The following WASHC5 variants were observed in gnomAD, a reference collection of about 807,000 sequenced individuals.
WASHC5 encodes WASH complex subunit strumpellin.
WASHC5 carries 101 observed loss-of-function variants against 150.4 expected under a neutral mutation model. That is an observed-to-expected ratio of 0.67 (90% CI 0.57 to 0.79). The LOEUF is 0.79. Among genes scored for constraint, WASHC5 ranks in the 30% least tolerant of loss-of-function variants. WASHC5 has a pLI of 0.00. For missense variants in WASHC5, 1,195 were observed against 1,396.3 expected, an observed-to-expected ratio of 0.86 and a Z score of 2.30; for synonymous variants, 467 against 491.2, an observed-to-expected ratio of 0.95 and a Z score of 0.65.
Position 125,063,566 on chromosome 8 carries a change from T to A in WASHC5, c.1364A>T (p.Asp455Val). The A allele has an allele frequency of 6.2e-7, 1 of 1,613,994 alleles. No individual in the cohort carries two copies. The highest frequency in any genetic ancestry group is 2.2e-5 in the East Asian group (1 of 44,876). ...EGSERMTELA[D>V]VFSGVKPLTR... ...TAGGGGTTTCACTCCTGAAAAGACA[T>A]CAGCAAGCTCAGTCATCCGCTCCGA... The change falls in exon 11 of 29, where the codon GAT (aspartate) becomes GTT (valine). Residue 455 changes from aspartate (D) to valine (V), a missense_variant. By Grantham distance (152) the Asp-to-Val change is radical. Transcript: ENST00000318410.
At chr8:125,037,866 G>T (rs897938855) in intron 25 of WASHC5, among the ~76,000 whole-genome samples, 3 of 152,194 alleles carry the variant, frequency 2.0e-5, no homozygotes, top group African/African-American at 7.2e-5. Context: ...CAGTCTCCCA[G>T]ATGTCACGGC....
At chr8:125,055,028 C>A (rs954957058) in intron 17 of WASHC5, among the ~76,000 whole-genome samples, 63 of 151,828 alleles carry the variant, frequency 4.1e-4, no homozygotes, top group African/African-American at 1.5e-3. Context: ...ACAGTACTAG[C>A]ACCACACATT....
At chr8:125,082,310 G>C in intron 4 of WASHC5, 73 bp downstream of exon 4, 1 of 856,772 alleles carries the variant, frequency 1.2e-6, no homozygotes, top group Admixed American at 1.8e-5. Context: ...ATATATTTGT[G>C]ACTTAAAAGA....
At chr8:125,074,623 T>G (rs953613435) in intron 8 of WASHC5, among the ~76,000 whole-genome samples, 1 of 152,194 alleles carries the variant, frequency 6.6e-6, no homozygotes, top group African/African-American at 2.4e-5. Flanking sequence ...ATTATCCATA[T>G]TCAGTTATCA....
chr8:125,054,750 T>C (rs28546275), intron 17 of WASHC5, among the ~76,000 whole-genome samples: 16,342 of 150,028 alleles, frequency 0.11, 2,067 homozygotes, highest in African/African-American at 0.31. Context: ...ACCCGGGAGG[T>C]GGAGCCTGCA....
intron 28 of WASHC5, among the ~76,000 whole-genome samples, chr8:125,026,817 T>C (rs1275921596): frequency 6.6e-6 from 1 of 152,120 alleles, no homozygotes; most frequent in African/African-American, 2.4e-5. Flanking sequence ...TTTTAATACT[T>C]GATATAATAT....
Position 125,073,135 on chromosome 8 carries a change from A to G in WASHC5, c.1150+18T>C, listed in dbSNP as rs776513536. 1 of 1,613,624 alleles carries G rather than the reference A, an allele frequency of 6.2e-7. No individual in the cohort carries two copies. Among genetic ancestry groups the G allele is most frequent in the African/African-American group, 1.3e-5 (1 of 75,014 alleles). On this transcript the variant is annotated intron_variant, in intron 9 of 28. Transcript: ENST00000318410. ...TTTATGTGGAGTAATATAAACGGCC[A>G]CCCCTTTTGTGCATTACCTGAGTCT...
intron 11 of WASHC5, among the ~76,000 whole-genome samples, chr8:125,061,582 T>A (rs1191065916): frequency 6.6e-6 from 1 of 152,044 alleles, no homozygotes; most frequent in East Asian, 1.9e-4. Context: ...TGTATCCAGA[T>A]GAAAGGCAGA....
rs1295306894 is a variant in WASHC5 at position 125,055,648 on chromosome 8, A to G, written c.2040T>C (p.Ile680=). 6.2e-7 allele frequency: 1 copy of G among 1,612,012 alleles called. No homozygotes were observed. Among genetic ancestry groups the G allele is most frequent in the African/African-American group, 1.3e-5 (1 of 74,992 alleles). ...TTAAGATGCCTTCAGTAAAAATGGA[A>G]ATAGCATGAGTAAGCTTGGCAACCT... The part of the protein sequence containing the change: ...RYEVAKLTHA[I]SIFTEGILMM... Residue 680 remains isoleucine, a synonymous_variant, in exon 17 of 29, where the codon ATT becomes ATC. Coordinates refer to ENST00000318410, the MANE Select transcript of WASHC5 (RefSeq NM_014846.4).
chr8:125,047,642 T>C (rs1245236462), intron 19 of WASHC5, among the ~76,000 whole-genome samples: 1 of 152,174 alleles, frequency 6.6e-6, no homozygotes, highest in Non-Finnish European at 1.5e-5. Flanking sequence ...TTCACCATGT[T>C]GGCTAGGCTG....
chr8:125,036,803 A>G (rs1815721126), intron 26 of WASHC5, among the ~76,000 whole-genome samples: 1 of 152,218 alleles, frequency 6.6e-6, no homozygotes, highest in African/African-American at 2.4e-5. Context: ...TGAGGTCAGG[A>G]GTTCGAGACC....
rs57043871 is a variant in WASHC5 at position 125,079,116 on chromosome 8, G to GTATA, written c.519-190_519-187dup. Among the ~76,000 whole-genome samples, 5,934 of 97,704 alleles carry GTATA rather than the reference G, an allele frequency of 0.061. 260 individuals carry two copies. Among genetic ancestry groups the GTATA allele is most frequent in the East Asian group, 0.16 (547 of 3,528 alleles). 64.1% of individuals were successfully genotyped at this position (97,704 alleles called of 152,430 possible). A position where few individuals can be genotyped will look rare whatever the true frequency, so the allele number is the denominator to read the frequency against. On this transcript the variant is annotated intron_variant, in intron 5 of 28. Coordinates refer to ENST00000318410, the MANE Select transcript of WASHC5 (RefSeq NM_014846.4). Reference sequence around the variant, plus strand: ...TGTGTATATATATGTGTGTGTGTGTGTATATATATATATATATATATATAC... The same window carrying GTATA: ...TGTGTATATATATGTGTGTGTGTGTGTATATATATATATATATATATATATATAC...
rs78702478 is a variant in WASHC5, at chr8:125,059,668, A to G, written c.1522-126T>C. ...ATTTCTTGATAAAGTTTTTATTTCA[A>G]ATTATAAATTTCAGAAACGTGAGCC... On this transcript the variant is annotated intron_variant, in intron 12 of 28. Coordinates refer to ENST00000318410, the MANE Select transcript of WASHC5 (RefSeq NM_014846.4). The G allele has an allele frequency of 8.4e-3, 6,129 of 728,518 alleles. 288 individuals carry two copies. In the African/African-American group the frequency reaches 0.098, roughly 12 times the overall value. 45.1% of individuals were successfully genotyped at this position (728,518 alleles called of 1,614,324 possible).
Position 125,024,322 on chromosome 8 carries a change from A to T in WASHC5, c.*295T>A. On this transcript the variant is annotated 3_prime_UTR_variant, in exon 29 of 29. Coordinates refer to ENST00000318410, the MANE Select transcript of WASHC5 (RefSeq NM_014846.4). The stretch of plus-strand genomic sequence containing the variant: ...AGTTGCACAAATAGTTCTTTAGAAC[A>T]TAAAACTAAATGGATTTATACATAA... 2 of 436,852 alleles carry T rather than the reference A, an allele frequency of 4.6e-6. No individual in the cohort carries two copies. Among genetic ancestry groups the T allele is most frequent in the Non-Finnish European group, 8.4e-6 (2 of 238,692 alleles). 27.1% of individuals were successfully genotyped at this position (436,852 alleles called of 1,614,324 possible).
intron 17 of WASHC5, among the ~76,000 whole-genome samples, chr8:125,052,272 C>T (rs945867863): frequency 1.3e-5 from 2 of 152,160 alleles, no homozygotes; most frequent in Admixed American, 6.5e-5. Flanking sequence ...TCAATGCTTT[C>T]GTGAATCTAA....
chr8:125,082,332 T>C (rs1293917071), intron 4 of WASHC5, 51 bp downstream of exon 4: 1 of 1,016,600 alleles, frequency 9.8e-7, no homozygotes, highest in Non-Finnish European at 1.6e-6. Flanking sequence ...AAAAAAGTGA[T>C]ACTATGTTTG....
intron 8 of WASHC5, 39 bp downstream of exon 8, chr8:125,074,959 C>T (rs1817009139): frequency 8.6e-7 from 1 of 1,166,930 alleles, no homozygotes; most frequent in South Asian, 1.2e-5. Context: ...ATAAACTAGG[C>T]CTGCAGTTAT....
chr8:125,071,253 G>A (rs920240105), intron 9 of WASHC5, among the ~76,000 whole-genome samples: 2 of 152,152 alleles, frequency 1.3e-5, no homozygotes, highest in Admixed American at 6.5e-5. Context: ...CAGCATTTAC[G>A]AAGAATAAGA....
intron 9 of WASHC5, among the ~76,000 whole-genome samples, chr8:125,072,691 ACT>A (rs1474673219): frequency 6.6e-6 from 1 of 152,128 alleles, no homozygotes; most frequent in African/African-American, 2.4e-5. Context: ...TTATGATTAC[ACT>A]GAGTCCACTG....
Sources: allele counts gnomAD v4.1 joint callset (sites outside exome capture counted in the v4.1 genomes callset), GRCh38; gene constraint gnomAD v4.1.1; transcripts MANE v1.5; gene names NCBI Gene and HGNC (gene_info 2026-07-23, HGNC 2026-07-21).